The following RYR1 variants were observed in gnomAD, a reference collection of about 807,000 sequenced individuals.
RYR1 encodes the protein central core disease of muscle.
In RYR1, 342 loss-of-function variants were observed where a neutral mutation model predicts 583.5. That is an observed-to-expected ratio of 0.59 (90% CI 0.54 to 0.64). The LOEUF is 0.64. Among genes scored for constraint, RYR1 ranks in the 30% least tolerant of loss-of-function variants. The pLI is 0.00. For missense variants in RYR1, 6,032 were observed against 6,917.2 expected (o/e 0.87, Z 4.54); for synonymous variants, 2,791 against 2,822.5 (o/e 0.99, Z 0.35).
intron 57 of RYR1, 37 bp from the exon 58 acceptor site, chr19:38,507,675 C>A (rs1970535622): frequency 7.7e-7 from 1 of 1,305,790 alleles, no homozygotes; most frequent in Non-Finnish European, 1.1e-6. Context: ...GTAGGGCCGG[C>A]GTCTGGGCTG....
At chr19:38,434,909 C>G (rs931267477) in intron 1 of RYR1, among the ~76,000 whole-genome samples, 1 of 152,174 alleles carries the variant, frequency 6.6e-6, no homozygotes, top group Admixed American at 6.5e-5. Context: ...CCTGGCGAGC[C>G]GGGTCCGGTT....
chr19:38,487,140 G>T (rs751377020), intron 34 of RYR1, among the ~76,000 whole-genome samples: 1 of 151,500 alleles, frequency 6.6e-6, no homozygotes, highest in Non-Finnish European at 1.5e-5. Flanking sequence ...AGATCCATCC[G>T]TTCCTCCAGT....
At chr19:38,539,644 G>A (rs1362845671) in intron 84 of RYR1, among the ~76,000 whole-genome samples, 1 of 152,112 alleles carries the variant, frequency 6.6e-6, no homozygotes, top group East Asian at 1.9e-4. Flanking sequence ...TGAGAATGTT[G>A]TTATGAAAGG....
In RYR1 at chr19:38,500,616, C is replaced by A. The variant is rs1488717896; in HGVS notation, c.7334C>A (p.Ala2445Asp). The A allele has an allele frequency of 2.5e-6, 4 of 1,612,788 alleles. No homozygotes were observed. Among genetic ancestry groups the A allele is most frequent in the Non-Finnish European group, 2.5e-6 (3 of 1,180,002 alleles). ...RCAPEMHLIQ[A>D]GKGEALRIRA... Reference sequence around the variant, plus strand: ...CCCTCTACTCCCCAGCTAATCCAAGCCGGCAAGGGTGAGGCCCTGCGGATC... The same window carrying A: ...CCCTCTACTCCCCAGCTAATCCAAGACGGCAAGGGTGAGGCCCTGCGGATC... The change falls in exon 46 of 106, where the codon GCC becomes GAC. Residue 2445 changes from alanine to aspartate, a missense_variant. Physicochemically the swap from Ala to Asp is moderately radical, Grantham distance 126. Around this residue, in one of 11 missense-constraint regions of RYR1, gnomAD observed 2,627 missense variants for 2,961.3 expected, o/e 0.89. Coordinates refer to ENST00000359596, the MANE Select transcript of RYR1 (RefSeq NM_000540.3). The surrounding 1 kb of genome is among the most constrained non-coding windows in gnomAD (Gnocchi z 5.9).
chr19:38,586,378 T>A (rs1305669965), intron 104 of RYR1, 147 bp from the exon 105 acceptor site: 6 of 1,072,494 alleles, frequency 5.6e-6, no homozygotes, highest in South Asian at 3.8e-5. Flanking sequence ...CCCAGCACTT[T>A]GGGAGGCCAA....
intron 79 of RYR1, 84 bp downstream of exon 79, chr19:38,534,903 C>A: frequency 7.0e-7 from 1 of 1,432,218 alleles, no homozygotes; most frequent in Non-Finnish European, 9.6e-7. Flanking sequence ...CCTGTGGACC[C>A]ATTTGCCGCC....
In RYR1 at chr19:38,564,995, G is replaced by C. The variant is rs549127909; in HGVS notation, c.12661G>C (p.Val4221Leu). Residue 4221 changes from valine (V) to leucine (L), a missense_variant, in exon 91 of 106, where the codon GTG becomes CTG. Val to Leu is a conservative substitution (Grantham distance 32). Coordinates refer to ENST00000359596, the MANE Select transcript of RYR1 (RefSeq NM_000540.3). ...CAAGCGCCAGTTCATCTTCGACGTGGTGAACGAGGGCGGCGAGGCTGAGAA... is the reference window on the plus strand; with the variant it reads ...CAAGCGCCAGTTCATCTTCGACGTGCTGAACGAGGGCGGCGAGGCTGAGAA... The part of the protein sequence containing the change: ...ESKRQFIFDV[V>L]NEGGEAEKME... 1.3e-6 allele frequency: 2 copies of C among 1,592,614 alleles called. No homozygotes were observed. The highest frequency in any genetic ancestry group is 1.7e-6 in the Non-Finnish European group (2 of 1,170,336).
At position 38,585,994 on chromosome 19, in the gene RYR1, G is replaced by A; in HGVS notation, c.14860G>A (p.Asp4954Asn). 1 of 1,614,110 alleles carries A rather than the reference G, an allele frequency of 6.2e-7. No individual in the cohort carries two copies. Among genetic ancestry groups the A allele is most frequent in the Non-Finnish European group, 8.5e-7 (1 of 1,180,016 alleles). ...LRDQQEQVKEDMETKCFICGI... is the reference protein window; with the variant it reads ...LRDQQEQVKENMETKCFICGI... ...AGACCAACAAGAGCAAGTGAAGGAG[G>A]ATATGGAGGTAGGTCATGTCTGGGG... Residue 4954 changes from aspartate to asparagine, a missense_variant, in exon 103 of 106, where the codon GAT (aspartate) becomes AAT (asparagine). Physicochemically the swap from Asp to Asn is conservative, Grantham distance 23. This residue lies in a region of RYR1 where 189 missense variants were observed against 350.3 expected (regional missense o/e 0.54). Coordinates refer to ENST00000359596, the MANE Select transcript of RYR1 (RefSeq NM_000540.3).
rs2292798 is a variant in RYR1, at chr19:38,543,748, C to G, written c.11908-23C>G. On this transcript the variant is annotated intron_variant, in intron 86 of 105. Coordinates refer to ENST00000359596, the MANE Select transcript of RYR1 (RefSeq NM_000540.3). The surrounding 1 kb of genome is among the most constrained non-coding windows in gnomAD (Gnocchi z 4.4). ...CCCTTCTCGGGGATTCCCTTCCCCC[C>G]CACACGGCACTCTGCCTCCCAGGGT... 13 of 1,611,666 alleles carry G rather than the reference C, an allele frequency of 8.1e-6. No individual in the cohort carries two copies. The South Asian group carries it at 1.1e-4, about 14-fold the overall frequency.
intron 49 of RYR1, among the ~76,000 whole-genome samples, 171 bp from the exon 50 acceptor site, chr19:38,504,049 C>G (rs1970325431): frequency 6.6e-6 from 1 of 152,128 alleles, no homozygotes; most frequent in Non-Finnish European, 1.5e-5. Context: ...TGTCTAGGAC[C>G]ACTCCTCAAT....
intron 28 of RYR1, among the ~76,000 whole-genome samples, chr19:38,474,014 C>A (rs1336301111): frequency 6.6e-6 from 1 of 152,182 alleles, no homozygotes; most frequent in Admixed American, 6.5e-5. Context: ...ACTCTATTAT[C>A]CTTGAGTACC....
Position 38,496,710 on chromosome 19 carries a change from A to G in RYR1, c.6797-150A>G. The stretch of plus-strand genomic sequence containing the variant: ...GGACACAATAGTGACCCCAATAGTG[A>G]CAGCCCAGAGTGGTCAGAGCTTGGA... On this transcript the variant is annotated intron_variant, in intron 41 of 105. Coordinates refer to ENST00000359596, the MANE Select transcript of RYR1 (RefSeq NM_000540.3). This position sits in a 1 kb window ranked among gnomAD's most constrained non-coding sequence, Gnocchi z 4.8. 9.1e-7 allele frequency: 1 copy of G among 1,102,640 alleles called. No individual in the cohort carries two copies. The highest frequency in any genetic ancestry group is 1.5e-5 in the African/African-American group (1 of 64,766). 68.3% of individuals were successfully genotyped at this position (1,102,640 alleles called of 1,614,324 possible). A position where few individuals can be genotyped will look rare whatever the true frequency, so the allele number is the denominator to read the frequency against.
rs781581292 is a variant in RYR1 at position 38,570,658 on chromosome 19, G to T, written c.13711G>T (p.Ala4571Ser). Reference sequence around the variant, plus strand: ...CCTGCGGTTCCTTGCCCTCTTCTTGGCATTTGCCATCAACTTCATCTTGCT... The same window carrying T: ...CCTGCGGTTCCTTGCCCTCTTCTTGTCATTTGCCATCAACTTCATCTTGCT... ...YTLRFLALFL[A>S]FAINFILLFY... Residue 4571 changes from alanine (A) to serine (S), a missense_variant, in exon 94 of 106, where the codon GCA becomes TCA. Around this residue, in one of 11 missense-constraint regions of RYR1, gnomAD observed 35 missense variants for 66.0 expected, o/e 0.53. Coordinates refer to ENST00000359596, the MANE Select transcript of RYR1 (RefSeq NM_000540.3). The T allele has an allele frequency of 1.2e-6, 2 of 1,613,884 alleles. No individual in the cohort carries two copies. Among genetic ancestry groups the T allele is most frequent in the African/African-American group, 1.3e-5 (1 of 74,884 alleles).
chr19:38,489,097 G>T (rs565422633), intron 34 of RYR1, 80 bp from the exon 35 acceptor site: 1 of 1,208,974 alleles, frequency 8.3e-7, no homozygotes, highest in Non-Finnish European at 1.2e-6. Context: ...TGCATGAGGG[G>T]CAGGTCTGGA....
chr19:38,495,239 G>T (rs997819713), intron 39 of RYR1, among the ~76,000 whole-genome samples: 7 of 152,162 alleles, frequency 4.6e-5, no homozygotes, highest in Admixed American at 1.3e-4. Flanking sequence ...TGTGGCTTCA[G>T]TGAGCTCATG....
chr19:38,435,885 T>C (rs1413614433), intron 1 of RYR1, among the ~76,000 whole-genome samples: 2 of 152,214 alleles, frequency 1.3e-5, no homozygotes, highest in Non-Finnish European at 2.9e-5. Flanking sequence ...GTTTATGTGT[T>C]CAATGAGTTG....
chr19:38,505,213 A>AC (rs1200179250), intron 52 of RYR1, 96 bp from the exon 53 acceptor site: 166 of 1,121,438 alleles, frequency 1.5e-4, no homozygotes, highest in South Asian at 3.7e-4. Context: ...TTGTTCTGGG[A>AC]CCCCCCCAGG....
rs1568506263 is a variant in RYR1, at chr19:38,502,768, C to CAGGGGCAGGGGCAGGGGT, written c.7835+58_7835+59insTAGGGGCAGGGGCAGGGG. 5.0e-6 allele frequency: 3 copies of CAGGGGCAGGGGCAGGGGT among 605,394 alleles called. No homozygotes were observed. In the African/African-American group the frequency reaches 1.3e-4, roughly 26 times the overall value. 37.5% of individuals were successfully genotyped at this position (605,394 alleles called of 1,614,324 possible). ...CTTCAGGGTGGGGCAGGGGCAGGGG[C>CAGGGGCAGGGGCAGGGGT]AGGGGCAGGGGCAGGGGCAGGGGCA... On this transcript the variant is annotated intron_variant, in intron 48 of 105. Coordinates refer to ENST00000359596, the MANE Select transcript of RYR1 (RefSeq NM_000540.3).
chr19:38,566,811 C>T (rs754616034), intron 91 of RYR1, 100 bp from the exon 92 acceptor site: 15 of 1,546,912 alleles, frequency 9.7e-6, no homozygotes, highest in Non-Finnish European at 1.2e-5. Flanking sequence ...ACTTAGATTA[C>T]CCAGGGGAAA....
Sources: gnomAD v4.1 joint callset for allele counts (sites outside exome capture counted in the v4.1 genomes callset) on GRCh38, gnomAD v4.1.1 for gene constraint, gnomAD v4.1.1 regional missense constraint, Gnocchi (gnomAD v3.1) non-coding constraint, MANE v1.5 for transcripts, NCBI Gene and HGNC (gene_info 2026-07-23, HGNC 2026-07-21) for gene names.